The following SMG7 variants were observed in gnomAD, a reference collection of about 807,000 sequenced individuals.
SMG7 encodes SMG7 nonsense mediated mRNA decay factor.
SMG7 carries 34 observed loss-of-function variants against 148.2 expected under a neutral mutation model. The ratio of observed to expected loss-of-function variants is 0.23; its 90% confidence interval spans 0.17 to 0.31. SMG7 has a LOEUF of 0.31. SMG7 is among the 10% of genes least tolerant of loss of function. The pLI is 1.00. For missense variants in SMG7, 1,114 were observed against 1,408.4 expected, an observed-to-expected ratio of 0.79 and a Z score of 3.35; for synonymous variants, 492 against 515.1, an observed-to-expected ratio of 0.96 and a Z score of 0.61.
intron 15 of SMG7, 30 bp downstream of exon 15, chr1:183,544,527 A>T: frequency 6.2e-7 from 1 of 1,606,722 alleles, no homozygotes; most frequent in Non-Finnish European, 8.5e-7. Context: ...TCTTCTACTT[A>T]ATCTTTTCTG....
At chr1:183,546,369 G>A (rs1397829738) in intron 17 of SMG7, 32 bp downstream of exon 17, 1 of 1,582,494 alleles carries the variant, frequency 6.3e-7, no homozygotes, top group East Asian at 2.2e-5. Flanking sequence ...CAGGCAATTT[G>A]GAGATAGGTC....
chr1:183,531,769 C>G (rs1346691612), intron 8 of SMG7, among the ~76,000 whole-genome samples: 3 of 152,110 alleles, frequency 2.0e-5, no homozygotes, highest in African/African-American at 2.4e-5. Flanking sequence ...ACAGGAAATA[C>G]ATTACCATAT....
At position 183,472,760 on chromosome 1, in the gene SMG7, C is replaced by T. The variant is rs578193268; in HGVS notation, c.29+111C>T. The T allele has an allele frequency of 5.7e-5, 58 of 1,015,620 alleles. No individual in the cohort carries two copies. The African/African-American group carries it at 8.8e-4, about 15-fold the overall frequency. 62.9% of individuals were successfully genotyped at this position (1,015,620 alleles called of 1,614,324 possible). On this transcript the variant is annotated intron_variant, in intron 1 of 22. Coordinates refer to ENST00000688051, the MANE Select transcript of SMG7 (RefSeq NM_001375584.1). ...TGGCGGGGGAGTTGCTGCGTCCTCT[C>T]CTCGCCGGGCAGGTCGGCGGAGACT...
chr1:183,526,154 A>ATT (rs1213739007), intron 4 of SMG7, among the ~76,000 whole-genome samples: 7 of 73,402 alleles, frequency 9.5e-5, no homozygotes, highest in Admixed American at 5.3e-4. Context: ...ATATATATAT[A>ATT]TATTTTTTTT....
intron 1 of SMG7, among the ~76,000 whole-genome samples, chr1:183,479,015 A>G (rs780813174): frequency 2.4e-4 from 37 of 152,186 alleles, no homozygotes; most frequent in Non-Finnish European, 3.8e-4. Flanking sequence ...AGGAAATATA[A>G]GAGTGGAATT....
At chr1:183,517,991 A>C (rs1339634492) in intron 4 of SMG7, among the ~76,000 whole-genome samples, 171 bp downstream of exon 4, 1 of 152,186 alleles carries the variant, frequency 6.6e-6, no homozygotes, top group Admixed American at 6.6e-5. Flanking sequence ...TTGTCACCCC[A>C]GGCTGGAGTG....
chr1:183,485,085 CTT>C (rs1469306611), intron 1 of SMG7, among the ~76,000 whole-genome samples: 1 of 151,980 alleles, frequency 6.6e-6, no homozygotes, highest in African/African-American at 2.4e-5. Flanking sequence ...TTTATTAACT[CTT>C]TGAATAGTAG....
intron 1 of SMG7, among the ~76,000 whole-genome samples, chr1:183,484,275 A>G (rs921930866): frequency 2.0e-5 from 3 of 152,090 alleles, no homozygotes; most frequent in East Asian, 1.9e-4. Flanking sequence ...GATCACTTAC[A>G]ATATGTAATA....
rs1463461520 is a variant in SMG7, at chr1:183,553,135, T to G, written c.*1204T>G. The G allele has an allele frequency of 1.3e-6, 2 of 1,536,382 alleles. No homozygotes were observed. The highest frequency in any genetic ancestry group is 1.2e-5 in the South Asian group (1 of 84,066). Reference sequence around the variant, plus strand: ...TGAAATTCAAGGCAGCACGGACATGTGCCCATCAGGCACAGAAGAAAACAC... The same window carrying G: ...TGAAATTCAAGGCAGCACGGACATGGGCCCATCAGGCACAGAAGAAAACAC... On this transcript the variant is annotated 3_prime_UTR_variant, in exon 23 of 23. Coordinates refer to ENST00000688051, the MANE Select transcript of SMG7 (RefSeq NM_001375584.1).
intron 1 of SMG7, among the ~76,000 whole-genome samples, chr1:183,494,611 G>A (rs577621920): frequency 8.7e-5 from 13 of 149,882 alleles, no homozygotes; most frequent in Admixed American, 4.0e-4. Context: ...AAAAAAAAAC[G>A]TATTTTTTTC....
intron 10 of SMG7, among the ~76,000 whole-genome samples, chr1:183,535,504 G>T (rs564687950): frequency 6.6e-6 from 1 of 152,226 alleles, no homozygotes; most frequent in East Asian, 1.9e-4. Flanking sequence ...TAAAACTGAA[G>T]ATTTTTCCTT....
At position 183,551,115 on chromosome 1, in the gene SMG7, C is replaced by G; in HGVS notation, c.3375C>G (p.Ser1125Arg). Reference sequence around the variant, plus strand: ...CTGAGAGCAGTTGGCATCAGGCCAGCACTCCGAGTGGCACCTGGACAGGCC... The same window carrying G: ...CTGAGAGCAGTTGGCATCAGGCCAGGACTCCGAGTGGCACCTGGACAGGCC... The part of the protein sequence containing the change: ...SSSESSWHQA[S>R]TPSGTWTGHG... The change falls in exon 22 of 23, where the codon AGC becomes AGG. Residue 1125 changes from serine (S) to arginine (R), a missense_variant. Transcript: ENST00000688051. 6.2e-7 allele frequency: 1 copy of G among 1,610,574 alleles called. No individual in the cohort carries two copies. Among genetic ancestry groups the G allele is most frequent in the Non-Finnish European group, 8.5e-7 (1 of 1,179,124 alleles).
intron 1 of SMG7, 99 bp from the exon 2 acceptor site, chr1:183,512,738 T>A: frequency 9.2e-7 from 1 of 1,088,708 alleles, no homozygotes; most frequent in Non-Finnish European, 1.3e-6. Flanking sequence ...CTTATCGTAG[T>A]ATATGATTTC....
chr1:183,544,913 GTTC>G lies in SMG7; in HGVS notation c.1988-12_1988-10del, dbSNP rs763888252. 2.5e-6 allele frequency: 4 copies of G among 1,602,474 alleles called. No individual in the cohort carries two copies. Among genetic ancestry groups the G allele is most frequent in the Non-Finnish European group, 3.4e-6 (4 of 1,172,902 alleles). ...GCTGTTTCCTTAAAACTAAAGCTGTGTTCTTCTGTTTTGAAGGGTTTCCGCCCC... is the reference window on the plus strand; with the variant it reads ...GCTGTTTCCTTAAAACTAAAGCTGTGTTCTGTTTTGAAGGGTTTCCGCCCC... On this transcript the variant is annotated splice_polypyrimidine_tract_variant and intron_variant, in intron 15 of 22. Coordinates refer to ENST00000688051, the MANE Select transcript of SMG7 (RefSeq NM_001375584.1).
chr1:183,499,716 T>G (rs1294986109), intron 1 of SMG7, among the ~76,000 whole-genome samples: 1 of 152,230 alleles, frequency 6.6e-6, no homozygotes, highest in Admixed American at 6.5e-5. Flanking sequence ...TATTAACTCC[T>G]TGTACTTTGT....
chr1:183,482,642 T>G lies in SMG7; in HGVS notation c.29+9993T>G, dbSNP rs530193024. Among the ~76,000 whole-genome samples, 8 of 152,290 alleles carry G rather than the reference T, an allele frequency of 5.3e-5. 1 individual carries two copies. In the East Asian group the frequency reaches 1.5e-3, roughly 29 times the overall value. The stretch of plus-strand genomic sequence containing the variant: ...GAGAGACCATGTTCACATAACTTAT[T>G]ATAGCTTATGTCATAATTATTCCAT... On this transcript the variant is annotated intron_variant, in intron 1 of 22. Transcript: ENST00000688051.
chr1:183,506,686 G>A (rs556689597), intron 1 of SMG7, among the ~76,000 whole-genome samples: 3 of 150,372 alleles, frequency 2.0e-5, no homozygotes, highest in East Asian at 3.9e-4. Context: ...AACTCCCAGC[G>A]TGTTCTCCCA....
chr1:183,502,138 AT>A (rs1180187673), intron 1 of SMG7: 3 of 647,052 alleles, frequency 4.6e-6, no homozygotes, highest in African/African-American at 3.7e-5. Context: ...AGGCTTTGAC[AT>A]TTTTCCTTTA....
At chr1:183,519,078 A>G (rs1257350986) in intron 4 of SMG7, among the ~76,000 whole-genome samples, 2 of 152,142 alleles carry the variant, frequency 1.3e-5, no homozygotes, top group Non-Finnish European at 2.9e-5. Flanking sequence ...CTGTAATCCC[A>G]GCTACTCTGG....
Sources: allele counts gnomAD v4.1 joint callset (sites outside exome capture counted in the v4.1 genomes callset), GRCh38; gene constraint gnomAD v4.1.1; transcripts MANE v1.5; gene names NCBI Gene and HGNC (gene_info 2026-07-23, HGNC 2026-07-21).